The following INPP4B variants were observed in gnomAD, a reference collection of about 807,000 sequenced individuals.
The protein encoded by INPP4B is inositol polyphosphate 4-phosphatase type II.
Under a neutral mutation model 122.5 loss-of-function variants are expected in INPP4B, and 55 were observed. The observed-to-expected ratio is 0.45, with a 90% CI of 0.36 to 0.56. INPP4B has a LOEUF of 0.56. Among genes scored for constraint, INPP4B ranks in the 20% least tolerant of loss-of-function variants. INPP4B has a pLI of 0.00. For synonymous variants in INPP4B, 403 were observed against 388.7 expected (o/e 1.04, Z -0.43); for missense variants, 1,000 against 1,097.7 (o/e 0.91, Z 1.26).
chr4:142,410,733 C>A (rs545227952), intron 5 of INPP4B, among the ~76,000 whole-genome samples: 1 of 152,186 alleles, frequency 6.6e-6, no homozygotes, highest in Admixed American at 6.5e-5. Context: ...AAAGAATGTA[C>A]TTCATAAATT....
intron 7 of INPP4B, among the ~76,000 whole-genome samples, chr4:142,328,209 C>A (rs1007545646): frequency 6.6e-6 from 1 of 151,964 alleles, no homozygotes; most frequent in African/African-American, 2.4e-5. Context: ...AAATGTACAG[C>A]GTTTCAACAG....
At chr4:142,351,075 A>G (rs1781788815) in intron 7 of INPP4B, among the ~76,000 whole-genome samples, 1 of 152,030 alleles carries the variant, frequency 6.6e-6, no homozygotes, top group African/African-American at 2.4e-5. Context: ...CTGTAATAGC[A>G]GCTGAAACCA....
chr4:142,075,549 G>T (rs1770179593), intron 25 of INPP4B, among the ~76,000 whole-genome samples: 1 of 151,962 alleles, frequency 6.6e-6, no homozygotes, highest in Non-Finnish European at 1.5e-5. Flanking sequence ...TTAATCCTGA[G>T]ACTTTTTTCC....
At chr4:142,339,044 G>A (rs1372530289) in intron 7 of INPP4B, among the ~76,000 whole-genome samples, 1 of 152,142 alleles carries the variant, frequency 6.6e-6, no homozygotes, top group Admixed American at 6.6e-5. Context: ...CTTCTGACTA[G>A]TTGTGTCAAG....
chr4:142,569,311 A>G (rs750028760), intron 2 of INPP4B, among the ~76,000 whole-genome samples: 14 of 149,754 alleles, frequency 9.3e-5, no homozygotes, highest in Non-Finnish European at 1.6e-4. Flanking sequence ...TTTTTTTGCT[A>G]AAAACAACAT....
At chr4:142,500,865 A>G (rs12642500) in intron 2 of INPP4B, among the ~76,000 whole-genome samples, 27,929 of 152,092 alleles carry the variant, frequency 0.18, 2,793 homozygotes, top group East Asian at 0.39. Context: ...GGTAGTTGCC[A>G]GGGGTTAGGG....
At chr4:142,312,439 G>GC (rs1765868461) in intron 8 of INPP4B, among the ~76,000 whole-genome samples, 1 of 152,106 alleles carries the variant, frequency 6.6e-6, no homozygotes, top group African/African-American at 2.4e-5. Flanking sequence ...CACTTAGAAA[G>GC]CCTAGAGGTG....
chr4:142,650,664 G>C (rs1007023099), intron 2 of INPP4B, among the ~76,000 whole-genome samples: 3 of 152,078 alleles, frequency 2.0e-5, no homozygotes, highest in Non-Finnish European at 4.4e-5. Context: ...TCAACAAGAA[G>C]AGCTAACTAT....
chr4:142,727,789 G>A (rs1181739865), intron 1 of INPP4B, among the ~76,000 whole-genome samples: 1 of 152,044 alleles, frequency 6.6e-6, no homozygotes, highest in Non-Finnish European at 1.5e-5. Flanking sequence ...GAGATGGGAG[G>A]ATCACTTGAG....
At chr4:142,190,934 T>G (rs1835520738) in intron 15 of INPP4B, among the ~76,000 whole-genome samples, 1 of 152,166 alleles carries the variant, frequency 6.6e-6, no homozygotes, top group African/African-American at 2.4e-5. Context: ...ACTGATGCTT[T>G]CTATGCTCAA....
intron 1 of INPP4B, among the ~76,000 whole-genome samples, chr4:142,741,372 T>C (rs1767875777): frequency 6.6e-6 from 1 of 151,752 alleles, no homozygotes; most frequent in Admixed American, 6.6e-5. Flanking sequence ...AACCAAATAT[T>C]ATGTGAACTA....
At chr4:142,734,447 G>A (rs1460433738) in intron 1 of INPP4B, among the ~76,000 whole-genome samples, 1 of 152,166 alleles carries the variant, frequency 6.6e-6, no homozygotes, top group African/African-American at 2.4e-5. Context: ...GAGGACATGA[G>A]GAGAGTCTCT....
intron 2 of INPP4B, among the ~76,000 whole-genome samples, chr4:142,587,257 C>T (rs1427091608): frequency 6.6e-6 from 1 of 151,830 alleles, no homozygotes; most frequent in African/African-American, 2.4e-5. Flanking sequence ...TTTAAGAGGT[C>T]ATTTTTTTTA....
rs151013883 is a variant in INPP4B, at chr4:142,616,649, C to T, written c.-191+109190G>A. On this transcript the variant is annotated intron_variant, in intron 2 of 25. Coordinates refer to ENST00000262992, the MANE Select transcript of INPP4B (RefSeq NM_001101669.3). ...GCTGAAGATGTTGAGCATCTTTTCA[C>T]GTGCAGCATTATTCATAATAGCAGT... Among the ~76,000 whole-genome samples the T allele has an allele frequency of 2.7e-3, 416 of 152,196 alleles. 6 individuals are homozygous for T. The highest frequency in any genetic ancestry group is 0.018 in the East Asian group (95 of 5,182).
At position 142,725,866 on chromosome 4, in the gene INPP4B, A is replaced by C. The variant is rs983573300; in HGVS notation, c.-218T>G. The C allele has an allele frequency of 2.5e-6, 1 of 397,970 alleles. No individual in the cohort carries two copies. Among genetic ancestry groups the C allele is most frequent in the African/African-American group, 2.1e-5 (1 of 48,632 alleles). 24.7% of individuals were successfully genotyped at this position (397,970 alleles called of 1,614,324 possible). A position where few individuals can be genotyped will look rare whatever the true frequency, so the allele number is the denominator to read the frequency against. ...TTGTCTAATTTTTCATAAAAGACAG[A>C]AGACCTCTTGCCAGGTAACACCATT... On this transcript the variant is annotated 5_prime_UTR_variant, in exon 2 of 26. Transcript: ENST00000262992.
chr4:142,826,101 A>G (rs1781423216), intron 1 of INPP4B, among the ~76,000 whole-genome samples: 1 of 152,130 alleles, frequency 6.6e-6, no homozygotes, highest in South Asian at 2.1e-4. Context: ...CTTGAGTAAA[A>G]TTTACTCAAC....
intron 25 of INPP4B, among the ~76,000 whole-genome samples, chr4:142,080,466 G>T (rs1773329494): frequency 5.3e-5 from 8 of 152,108 alleles, no homozygotes; most frequent in Admixed American, 2.6e-4. Context: ...CTAGGGATTT[G>T]AAGTTAAGCC....
chr4:142,208,757 A>G lies in INPP4B; in HGVS notation c.967+139T>C, dbSNP rs1437689794. Reference sequence around the variant, plus strand: ...AGGGTAGTTTTTTCTTTGTTTTAAGATGTTAAAGTTAGAAATAAAAGAGTT... The same window carrying G: ...AGGGTAGTTTTTTCTTTGTTTTAAGGTGTTAAAGTTAGAAATAAAAGAGTT... On this transcript the variant is annotated intron_variant, in intron 13 of 25. Transcript: ENST00000262992. 7 of 626,524 alleles carry G rather than the reference A, an allele frequency of 1.1e-5. No homozygotes were observed. The Admixed American group carries it at 1.5e-4, about 13-fold the overall frequency. The allele number at this position is 626,524 out of a possible 1,614,324, so 38.8% of individuals were successfully genotyped here. A position where few individuals can be genotyped will look rare whatever the true frequency, so the allele number is the denominator to read the frequency against.
chr4:142,061,887 T>C (rs9968274), intron 25 of INPP4B, among the ~76,000 whole-genome samples: 131 of 2,052 alleles, frequency 0.064, 11 homozygotes, highest in South Asian at 0.17. Context: ...CACACACACA[T>C]ATATATATAT....
Sources: gnomAD v4.1 joint callset for allele counts (sites outside exome capture counted in the v4.1 genomes callset) on GRCh38, gnomAD v4.1.1 for gene constraint, MANE v1.5 for transcripts, NCBI Gene and HGNC (gene_info 2026-07-23, HGNC 2026-07-21) for gene names.